DDX10: variants seen among roughly 807,000 people sequenced by gnomAD.
The protein encoded by DDX10 is probable ATP-dependent RNA helicase DDX10.
Under a neutral mutation model 104.3 loss-of-function variants are expected in DDX10, and 74 were observed. The observed-to-expected ratio is 0.71, with a 90% CI of 0.59 to 0.86. The LOEUF (loss-of-function observed/expected upper bound fraction) is 0.86, where lower values mean the gene tolerates loss of function less well. Ranked by LOEUF, DDX10 falls within the 40% of genes least tolerant of loss-of-function variation. The probability of loss-of-function intolerance (pLI) is 0.00; values close to 1 mark genes in which losing one functional copy is unlikely to be tolerated. For missense variants in DDX10, 952 were observed against 1,040.0 expected (o/e 0.92, Z 1.16); for synonymous variants, 351 against 353.4 (o/e 0.99, Z 0.08).
intron 13 of DDX10, among the ~76,000 whole-genome samples, chr11:108,804,285 C>A (rs1420362846): frequency 6.6e-6 from 1 of 151,906 alleles, no homozygotes; most frequent in Non-Finnish European, 1.5e-5. Context: ...ATTGCTTGAG[C>A]GTAGGGGCTT....
intron 16 of DDX10, among the ~76,000 whole-genome samples, chr11:108,894,013 T>G (rs1301526950): frequency 6.6e-6 from 1 of 152,076 alleles, no homozygotes; most frequent in Non-Finnish European, 1.5e-5. Flanking sequence ...GAAGTCCACT[T>G]GTAAATGACT....
chr11:108,814,076 G>A (rs748022034), intron 13 of DDX10, among the ~76,000 whole-genome samples: 2 of 152,004 alleles, frequency 1.3e-5, no homozygotes, highest in Admixed American at 1.3e-4. Context: ...TTTTATTCTG[G>A]AATTTTTTTG....
chr11:108,853,564 C>G (rs539765177), intron 16 of DDX10, among the ~76,000 whole-genome samples: 1 of 151,426 alleles, frequency 6.6e-6, no homozygotes, highest in African/African-American at 2.4e-5. Flanking sequence ...ATGGTTTAAG[C>G]TGTAAGAAGT....
chr11:108,773,252 T>A (rs2094365657), intron 13 of DDX10, among the ~76,000 whole-genome samples: 1 of 152,224 alleles, frequency 6.6e-6, no homozygotes, highest in Admixed American at 6.5e-5. Flanking sequence ...GAGTGAAATC[T>A]ACATGTAAGA....
At chr11:108,846,721 CGTT>C (rs1253980973) in intron 15 of DDX10, among the ~76,000 whole-genome samples, 2 of 152,096 alleles carry the variant, frequency 1.3e-5, no homozygotes, top group Non-Finnish European at 2.9e-5. Context: ...TTGTGAATAA[CGTT>C]GCAATAAACA....
At chr11:108,748,771 C>G (rs4754354) in intron 13 of DDX10, among the ~76,000 whole-genome samples, 71,403 of 151,946 alleles carry the variant, frequency 0.47, 19,795 homozygotes, top group Non-Finnish European at 0.61. Flanking sequence ...GCCATGAACT[C>G]CTGAGCTCAA....
chr11:108,825,533 T>C (rs1448377050), intron 13 of DDX10, among the ~76,000 whole-genome samples: 1 of 152,174 alleles, frequency 6.6e-6, no homozygotes, highest in Non-Finnish European at 1.5e-5. Flanking sequence ...CAGAAGGAAG[T>C]TTGAACACAG....
chr11:108,697,443 A>T (rs1180548601), intron 9 of DDX10, among the ~76,000 whole-genome samples: 2 of 152,212 alleles, frequency 1.3e-5, no homozygotes, highest in Non-Finnish European at 2.9e-5. Flanking sequence ...CGATATAGGA[A>T]AACAAATTCA....
At chr11:108,843,313 C>G (rs536229641) in intron 15 of DDX10, among the ~76,000 whole-genome samples, 1 of 151,404 alleles carries the variant, frequency 6.6e-6, no homozygotes, top group Non-Finnish European at 1.5e-5. Context: ...TACGTGGGTC[C>G]CTCCATCTTC....
chr11:108,873,456 A>G (rs1863109358), intron 16 of DDX10, among the ~76,000 whole-genome samples: 1 of 152,002 alleles, frequency 6.6e-6, no homozygotes, highest in Non-Finnish European at 1.5e-5. Flanking sequence ...TGACTAAACA[A>G]CCCCTTTATT....
chr11:108,916,583 G>T (rs562509655), intron 16 of DDX10, among the ~76,000 whole-genome samples: 1 of 152,300 alleles, frequency 6.6e-6, no homozygotes, highest in East Asian at 1.9e-4. Context: ...CTGGGAACGA[G>T]CATTAATCAT....
At chr11:108,674,026 A>G (rs1311227796) in intron 2 of DDX10, among the ~76,000 whole-genome samples, 1 of 152,170 alleles carries the variant, frequency 6.6e-6, no homozygotes, top group African/African-American at 2.4e-5. Context: ...TGGATACATA[A>G]AAATTGTATA....
chr11:108,890,871 A>G (rs1320023012), intron 16 of DDX10, among the ~76,000 whole-genome samples: 2 of 152,180 alleles, frequency 1.3e-5, no homozygotes, highest in East Asian at 1.9e-4. Context: ...CCATGCCTGT[A>G]GCAGCTGAGG....
intron 9 of DDX10, among the ~76,000 whole-genome samples, chr11:108,698,396 G>T (rs922792393): frequency 6.6e-6 from 1 of 152,212 alleles, no homozygotes; most frequent in African/African-American, 2.4e-5. Flanking sequence ...GTGAAGGTCT[G>T]CAGTCTGCTC....
intron 13 of DDX10, among the ~76,000 whole-genome samples, chr11:108,738,054 G>A (rs182618076): frequency 8.6e-5 from 13 of 152,028 alleles, no homozygotes; most frequent in Non-Finnish European, 1.9e-4. Flanking sequence ...AAAACACTTA[G>A]CACGACCTTG....
chr11:108,683,320 T>C (rs2094238130), intron 6 of DDX10, among the ~76,000 whole-genome samples: 1 of 152,236 alleles, frequency 6.6e-6, no homozygotes, highest in South Asian at 2.1e-4. Context: ...GGGTAAATTG[T>C]ATGAAAAATT....
At chr11:108,711,199 A>G (rs2094283816) in intron 10 of DDX10, among the ~76,000 whole-genome samples, 3 of 152,224 alleles carry the variant, frequency 2.0e-5, no homozygotes, top group Non-Finnish European at 2.9e-5. Flanking sequence ...TGCATTCCAC[A>G]AAGTTTGCTA....
chr11:108,764,010 T>C (rs1198359215), intron 13 of DDX10, among the ~76,000 whole-genome samples: 2 of 152,142 alleles, frequency 1.3e-5, no homozygotes. Context: ...ATAATGAGAA[T>C]TGTAGAAATA....
At chr11:108,880,516 G>A (rs1407729317) in intron 16 of DDX10, among the ~76,000 whole-genome samples, 1 of 152,132 alleles carries the variant, frequency 6.6e-6, no homozygotes, top group Non-Finnish European at 1.5e-5. Context: ...TAGCTCAGAA[G>A]CCCGCTGTGT....
Sources: gnomAD v4.1 joint callset for allele counts (sites outside exome capture counted in the v4.1 genomes callset) on GRCh38, gnomAD v4.1.1 for gene constraint, MANE v1.5 for transcripts, NCBI Gene and HGNC (gene_info 2026-07-23, HGNC 2026-07-21) for gene names.